The following RYR3 variants were observed in gnomAD, a reference collection of about 807,000 sequenced individuals.
The protein encoded by RYR3 is ryanodine receptor 3.
RYR3 carries 207 observed loss-of-function variants against 584.3 expected under a neutral mutation model. The observed-to-expected ratio is 0.35, with a 90% CI of 0.32 to 0.40. The LOEUF (loss-of-function observed/expected upper bound fraction) is 0.40. Among genes scored for constraint, RYR3 ranks in the 10% least tolerant of loss-of-function variants. The pLI is 1.00. For synonymous variants in RYR3, 2,416 were observed against 2,248.5 expected (o/e 1.07, Z -2.11); for missense variants, 5,616 against 6,089.2 (o/e 0.92, Z 2.59).
At chr15:33,827,150 C>T in intron 84 of RYR3, 49 bp from the exon 85 acceptor site, 3 of 1,464,176 alleles carry the variant, frequency 2.0e-6, no homozygotes, top group Non-Finnish European at 2.8e-6. Context: ...CATGCTTGGC[C>T]CCCTCGGCAT....
In RYR3 at chr15:33,769,103, T is replaced by G; in HGVS notation, c.8756-9T>G. 2 of 1,608,700 alleles carry G rather than the reference T, an allele frequency of 1.2e-6. No homozygotes were observed. Among genetic ancestry groups the G allele is most frequent in the Non-Finnish European group, 8.5e-7 (1 of 1,175,116 alleles). On this transcript the variant is annotated splice_polypyrimidine_tract_variant and intron_variant, in intron 61 of 103. Coordinates refer to ENST00000634891, the MANE Select transcript of RYR3 (RefSeq NM_001036.6). ...TTGAGGGAATCACAGATGATTTTTT[T>G]TATTCCAGGTAGTGATTCTACTACA...
At chr15:33,450,870 C>T (rs912875079) in intron 1 of RYR3, among the ~76,000 whole-genome samples, 7 of 152,156 alleles carry the variant, frequency 4.6e-5, no homozygotes, top group African/African-American at 1.2e-4. Context: ...CAAGGTAGGA[C>T]GCATGTTTGG....
chr15:33,390,647 GTACT>G lies in RYR3; in HGVS notation c.51+79553_51+79556del, dbSNP rs2041935332. ...GTCTTGGCCGACACCTGGGAACTTG[GTACT>G]TGTCCCATTCTCTAAGAAATCAGAG... On this transcript the variant is annotated intron_variant, in intron 1 of 103. Transcript: ENST00000634891. This position sits in a 1 kb window ranked among gnomAD's most constrained non-coding sequence, Gnocchi z 4.2. Among the ~76,000 whole-genome samples the G allele has an allele frequency of 6.6e-6, 1 of 152,124 alleles. No individual in the cohort carries two copies. The highest frequency in any genetic ancestry group is 2.4e-5 in the African/African-American group (1 of 41,434).
chr15:33,464,503 T>TATATATATAGATATATATATATATAC (rs1180164194), intron 1 of RYR3, among the ~76,000 whole-genome samples: 13 of 105,904 alleles, frequency 1.2e-4, no homozygotes, highest in Non-Finnish European at 2.7e-4. Flanking sequence ...CATATATATA[T>TATATATATAGATATATATATATATAC]ACATACACAT....
rs1465438098 is a variant in RYR3 at position 33,865,986 on chromosome 15, T to G, written c.*760T>G. 6.5e-6 allele frequency: 1 copy of G among 152,828 alleles called. No individual in the cohort carries two copies. The highest frequency in any genetic ancestry group is 1.9e-4 in the East Asian group (1 of 5,198). The allele number at this position is 152,828 out of a possible 1,614,324, so 9.5% of individuals were successfully genotyped here. ...AAATTCAGAAAAAAAATCTCAACCT[T>G]ATGCCAAAATGGAGTAATGCTTTAT... is the stretch of plus-strand genomic sequence containing the variant. On this transcript the variant is annotated 3_prime_UTR_variant, in exon 104 of 104. Coordinates refer to ENST00000634891, the MANE Select transcript of RYR3 (RefSeq NM_001036.6).
In RYR3 at chr15:33,460,962, T is replaced by A. The variant is rs893462161; in HGVS notation, c.52-12457T>A. 3.5e-5 allele frequency among the ~76,000 whole-genome samples: 5 copies of A among 141,238 alleles called. No homozygotes were observed. The East Asian group carries it at 8.4e-4, about 24-fold the overall frequency. 92.7% of individuals were successfully genotyped at this position (141,238 alleles called of 152,430 possible). ...CACCTTTTTTTTTTTTTTTTTTTTTTAAGACGGAGTCTCGCTGTGTCGCCC... is the reference window on the plus strand; with the variant it reads ...CACCTTTTTTTTTTTTTTTTTTTTTAAAGACGGAGTCTCGCTGTGTCGCCC... On this transcript the variant is annotated intron_variant, in intron 1 of 103. Coordinates refer to ENST00000634891, the MANE Select transcript of RYR3 (RefSeq NM_001036.6).
At chr15:33,570,176 CTG>C (rs1336159563) in intron 12 of RYR3, among the ~76,000 whole-genome samples, 2 of 152,064 alleles carry the variant, frequency 1.3e-5, no homozygotes, top group East Asian at 3.9e-4. Flanking sequence ...ATTTTCTCCT[CTG>C]TGTTTTTCTA....
In RYR3 at chr15:33,311,317, C is replaced by T. The variant is rs1967237028; in HGVS notation, c.51+221C>T. Among the ~76,000 whole-genome samples, 1 of 152,198 alleles carries T rather than the reference C, an allele frequency of 6.6e-6. No individual in the cohort carries two copies. Among genetic ancestry groups the T allele is most frequent in the Admixed American group, 6.5e-5 (1 of 15,288 alleles). On this transcript the variant is annotated intron_variant, in intron 1 of 103. Coordinates refer to ENST00000634891, the MANE Select transcript of RYR3 (RefSeq NM_001036.6). The surrounding 1 kb of genome is among the most constrained non-coding windows in gnomAD (Gnocchi z 4.4). ...TCCTGCCTCTCCCTTGTTCCCCTAC[C>T]GCCACCCCTGCCCCAGGCCCTCCAC... is the stretch of plus-strand genomic sequence containing the variant.
chr15:33,561,737 A>G (rs1217389891), intron 10 of RYR3, among the ~76,000 whole-genome samples: 1 of 151,246 alleles, frequency 6.6e-6, no homozygotes, highest in Non-Finnish European at 1.5e-5. Context: ...CAACAACAAC[A>G]AAAATACAAA....
intron 1 of RYR3, among the ~76,000 whole-genome samples, chr15:33,447,945 C>G (rs1327285894): frequency 6.6e-6 from 1 of 152,042 alleles, no homozygotes; most frequent in Non-Finnish European, 1.5e-5. Flanking sequence ...AAGTTGGGTC[C>G]CCCAAATTGG....
rs765777477 is a variant in RYR3 at position 33,669,427 on chromosome 15, A to G, written c.5693A>G (p.Asp1898Gly). Residue 1898 changes from aspartate to glycine, a missense_variant, in exon 37 of 104, where the codon GAT becomes GGT. Physicochemically the swap from Asp to Gly is moderately conservative, Grantham distance 94. This residue lies in a region of RYR3 where 1,280 missense variants were observed against 1,426.2 expected (regional missense o/e 0.90). Transcript: ENST00000634891. ...GAGGAGATTCGGGAGGAGCTGTATGATTTCCATGAGGACCTTCTCCTTCAC... is the reference window on the plus strand; with the variant it reads ...GAGGAGATTCGGGAGGAGCTGTATGGTTTCCATGAGGACCTTCTCCTTCAC... Reference protein sequence around the residue: ...CPEEIREELYDFHEDLLLHCG... With the variant: ...CPEEIREELYGFHEDLLLHCG... 1 of 1,613,924 alleles carries G rather than the reference A, an allele frequency of 6.2e-7. No homozygotes were observed. The highest frequency in any genetic ancestry group is 1.1e-5 in the South Asian group (1 of 91,072).
chr15:33,739,973 C>A lies in RYR3; in HGVS notation c.7798C>A (p.Pro2600Thr). ...AGTGGATGCGGATGGCAACTTTGAC[C>A]CAAAACCTATTAACACCATGAAGTG... ...ISVDADGNFDPKPINTMNFSL... is the reference protein window; with the variant it reads ...ISVDADGNFDTKPINTMNFSL... The change falls in exon 51 of 104, where the codon CCA becomes ACA. Residue 2600 changes from proline to threonine, a missense_variant. Physicochemically the swap from Pro to Thr is conservative, Grantham distance 38 (BLOSUM62 -1). This residue lies in a region of RYR3 where 1,280 missense variants were observed against 1,426.2 expected (regional missense o/e 0.90). Transcript: ENST00000634891. 1 of 1,613,778 alleles carries A rather than the reference C, an allele frequency of 6.2e-7. No homozygotes were observed. Among genetic ancestry groups the A allele is most frequent in the East Asian group, 2.2e-5 (1 of 44,868 alleles).
chr15:33,600,520 AG>A lies in RYR3; in HGVS notation c.1789-898del, dbSNP rs551695601. ...AGAGGATACAGTGCAAGGAGAGGAC[AG>A]AGGAGAGGTGAGCGTGCAGGACAAG... On this transcript the variant is annotated intron_variant, in intron 16 of 103. Coordinates refer to ENST00000634891, the MANE Select transcript of RYR3 (RefSeq NM_001036.6). Among the ~76,000 whole-genome samples the A allele has an allele frequency of 6.0e-4, 91 of 152,204 alleles. 2 individuals carry two copies. In the South Asian group the frequency reaches 0.019, roughly 32 times the overall value.
chr15:33,838,622 G>T lies in RYR3; in HGVS notation c.12642G>T (p.Val4214=). The T allele has an allele frequency of 6.2e-7, 1 of 1,613,942 alleles. No homozygotes were observed. Residue 4214 remains valine (V), a synonymous_variant, in exon 89 of 104, where the codon GTG becomes GTT. Coordinates refer to ENST00000634891, the MANE Select transcript of RYR3 (RefSeq NM_001036.6). ...TCTTTCAGATCCTCTGGAGCACAGT[G>T]TTTGGAGGGGGCCTGGTAGAAGGGG... ...GGIFQILWST[V]FGGGLVEGAK...
intron 49 of RYR3, among the ~76,000 whole-genome samples, chr15:33,736,949 G>A (rs373860729): frequency 6.6e-6 from 1 of 151,942 alleles, no homozygotes; most frequent in African/African-American, 2.4e-5. Context: ...TAGTAGAGAT[G>A]GGGTTTCACC....
At chr15:33,816,103 G>A (rs1181548040) in intron 74 of RYR3, among the ~76,000 whole-genome samples, 5 of 152,172 alleles carry the variant, frequency 3.3e-5, no homozygotes, top group Admixed American at 2.6e-4. Flanking sequence ...AACCATGACC[G>A]GAGTTTAATG....
intron 1 of RYR3, among the ~76,000 whole-genome samples, chr15:33,369,177 G>C (rs923628078): frequency 5.9e-5 from 9 of 152,126 alleles, no homozygotes; most frequent in African/African-American, 9.7e-5. Flanking sequence ...TTTGCCAAAG[G>C]CCACACACCT....
At chr15:33,855,552 C>T (rs545071765) in intron 98 of RYR3, among the ~76,000 whole-genome samples, 1 of 152,002 alleles carries the variant, frequency 6.6e-6, no homozygotes, top group East Asian at 1.9e-4. Context: ...TGATATATTC[C>T]CTGGGGGTTA....
chr15:33,776,806 A>T (rs2074025261), intron 64 of RYR3, among the ~76,000 whole-genome samples: 1 of 152,204 alleles, frequency 6.6e-6, no homozygotes, highest in Non-Finnish European at 1.5e-5. Flanking sequence ...CTAACAATCG[A>T]TTTTGAAAGG....
Sources: gnomAD v4.1 joint callset for allele counts (sites outside exome capture counted in the v4.1 genomes callset) on GRCh38, gnomAD v4.1.1 for gene constraint, gnomAD v4.1.1 regional missense constraint, Gnocchi (gnomAD v3.1) non-coding constraint, MANE v1.5 for transcripts, NCBI Gene and HGNC (gene_info 2026-07-23, HGNC 2026-07-21) for gene names.